The following PCDHGA4 variants were observed in gnomAD, a reference collection of about 807,000 sequenced individuals.
The protein encoded by PCDHGA4 is protocadherin gamma-A4.
PCDHGA4 carries 38 observed loss-of-function variants against 54.6 expected under a neutral mutation model. The observed-to-expected ratio is 0.70, with a 90% confidence interval of 0.54 to 0.91. The LOEUF (loss-of-function observed/expected upper bound fraction) is 0.91. PCDHGA4 is among the 40% of genes least tolerant of loss of function. The pLI is 0.00. For missense variants in PCDHGA4, 1,298 were observed against 1,220.9 expected (o/e 1.06, Z -0.94); for synonymous variants, 511 against 512.9 (o/e 1.00, Z 0.05).
At position 141,486,634 on chromosome 5, in the gene PCDHGA4, T is replaced by C; in HGVS notation, c.2515-8173T>C. 1 of 1,613,762 alleles carries C rather than the reference T, an allele frequency of 6.2e-7. No individual in the cohort carries two copies. The highest frequency in any genetic ancestry group is 8.5e-7 in the Non-Finnish European group (1 of 1,180,044). ...CCTCTGACCCAGACTCTGGCTTGAA[T>C]GCGCTTATCTCCTACTCACTCCTGG... On this transcript the variant is annotated intron_variant, in intron 1 of 3. Coordinates refer to ENST00000571252, the MANE Select transcript of PCDHGA4 (RefSeq NM_018917.4). The surrounding 1 kb of genome is among the most constrained non-coding windows in gnomAD (Gnocchi z 5.0).
At chr5:141,481,813 G>A (rs185558948) in intron 1 of PCDHGA4, among the ~76,000 whole-genome samples, 15 of 151,942 alleles carry the variant, frequency 9.9e-5, no homozygotes, top group East Asian at 7.8e-4. Context: ...TTCACCAGGC[G>A]TGGTGGCTGA....
At chr5:141,389,806 T>C in intron 1 of PCDHGA4, 3 of 1,613,810 alleles carry the variant, frequency 1.9e-6, no homozygotes, top group Non-Finnish European at 2.5e-6. Flanking sequence ...CAGCGCCTTC[T>C]GGTCGCCGTG....
At chr5:141,422,723 G>T in intron 1 of PCDHGA4, 1 of 1,605,958 alleles carries the variant, frequency 6.2e-7, no homozygotes, top group South Asian at 1.1e-5. Flanking sequence ...ACTGTCCAGG[G>T]GGTGCCTCTG....
intron 1 of PCDHGA4, chr5:141,410,555 C>T (rs768561351): frequency 1.9e-6 from 3 of 1,613,084 alleles, no homozygotes; most frequent in Middle Eastern, 1.6e-4. Context: ...CAGTGTTTCT[C>T]CTGGAGCCTT....
At chr5:141,383,556 C>T (rs1365311931) in intron 1 of PCDHGA4, 1 of 1,612,766 alleles carries the variant, frequency 6.2e-7, no homozygotes, top group Non-Finnish European at 8.5e-7. Context: ...ATGGCGGCGA[C>T]CCGCCCCGAT....
chr5:141,509,787 TCTC>T (rs2099878266), intron 3 of PCDHGA4, among the ~76,000 whole-genome samples: 1 of 152,132 alleles, frequency 6.6e-6, no homozygotes, highest in Non-Finnish European at 1.5e-5. Context: ...GAGATCATCA[TCTC>T]CTCAGCTTCA....
chr5:141,390,561 G>A (rs921631416), intron 1 of PCDHGA4: 1 of 436,212 alleles, frequency 2.3e-6, no homozygotes, highest in African/African-American at 2.0e-5. Flanking sequence ...TTAGACAGTT[G>A]TTGGCTCTCT....
At chr5:141,444,876 G>A (rs921183358) in intron 1 of PCDHGA4, among the ~76,000 whole-genome samples, 1 of 152,186 alleles carries the variant, frequency 6.6e-6, no homozygotes, top group African/African-American at 2.4e-5. Flanking sequence ...GACAAAGCTT[G>A]TAGGATTTTT....
chr5:141,372,030 G>T, intron 1 of PCDHGA4: 2 of 1,613,446 alleles, frequency 1.2e-6, no homozygotes, highest in Non-Finnish European at 1.7e-6. Flanking sequence ...CAGCGCCAAC[G>T]TGAGCCTGCG....
chr5:141,394,667 G>C, intron 1 of PCDHGA4: 5 of 1,613,252 alleles, frequency 3.1e-6, no homozygotes, highest in Non-Finnish European at 4.2e-6. Flanking sequence ...GACTCTTCTC[G>C]GTGGGTCTGC....
intron 1 of PCDHGA4, among the ~76,000 whole-genome samples, chr5:141,470,451 T>C (rs2099230860): frequency 6.6e-6 from 1 of 152,210 alleles, no homozygotes; most frequent in Non-Finnish European, 1.5e-5. Context: ...AATAGCATCT[T>C]GAATAGGATT....
At chr5:141,419,694 G>A in intron 1 of PCDHGA4, 1 of 1,612,974 alleles carries the variant, frequency 6.2e-7, no homozygotes, top group Non-Finnish European at 8.5e-7. Context: ...GTGCAGGCCA[G>A]TGAGCCCGGG....
At position 141,432,299 on chromosome 5, in the gene PCDHGA4, C is replaced by G; in HGVS notation, c.2515-62508C>G. ...GTCCATCAACTCCGACACTGGGGTA[C>G]TGTATGCGCTGAGCTCCTTCGACTA... is the stretch of plus-strand genomic sequence containing the variant. On this transcript the variant is annotated intron_variant, in intron 1 of 3. Transcript: ENST00000571252. This position sits in a 1 kb window ranked among gnomAD's most constrained non-coding sequence, Gnocchi z 6.0. The G allele has an allele frequency of 2.5e-6, 4 of 1,614,278 alleles. No homozygotes were observed. The highest frequency in any genetic ancestry group is 3.4e-6 in the Non-Finnish European group (4 of 1,180,056).
At chr5:141,367,861 G>A (rs1344780297) in intron 1 of PCDHGA4, 1 of 152,032 alleles carries the variant, frequency 6.6e-6, no homozygotes, top group Non-Finnish European at 1.5e-5. Context: ...GTTTCTTTAA[G>A]TGTAGGTGCA....
intron 1 of PCDHGA4, chr5:141,376,173 T>C (rs531193543): frequency 1.3e-5 from 21 of 1,614,092 alleles, no homozygotes; most frequent in East Asian, 2.2e-5. Flanking sequence ...GTGGTGGCGG[T>C]GGCCGCGGTC....
Position 141,491,935 on chromosome 5 carries a change from C to A in PCDHGA4, c.2515-2872C>A. 1 of 1,205,518 alleles carries A rather than the reference C, an allele frequency of 8.3e-7. No homozygotes were observed. Among genetic ancestry groups the A allele is most frequent in the South Asian group, 1.7e-5 (1 of 59,176 alleles). 74.7% of individuals were successfully genotyped at this position (1,205,518 alleles called of 1,614,324 possible). On this transcript the variant is annotated intron_variant, in intron 1 of 3. Transcript: ENST00000571252. The surrounding 1 kb of genome is among the most constrained non-coding windows in gnomAD (Gnocchi z 6.9). ...GACTGTGGGCGAGGGGAGGTGGGACCGACCCCCACCCCTACACTCAAAAAA... is the reference window on the plus strand; with the variant it reads ...GACTGTGGGCGAGGGGAGGTGGGACAGACCCCCACCCCTACACTCAAAAAA...
chr5:141,478,748 A>G (rs2099474609), intron 1 of PCDHGA4: 2 of 1,525,644 alleles, frequency 1.3e-6, no homozygotes, highest in African/African-American at 1.4e-5. Context: ...GTCCCATTTC[A>G]GGGGGAAGAT....
chr5:141,432,940 T>C lies in PCDHGA4; in HGVS notation c.2515-61867T>C, dbSNP rs142546730. On this transcript the variant is annotated intron_variant, in intron 1 of 3. Transcript: ENST00000571252. This position sits in a 1 kb window ranked among gnomAD's most constrained non-coding sequence, Gnocchi z 6.0. ...GGCACAAGTCACGCCTGCTGCAGGC[T>C]TCAGGAGGCGGCTTGACAGGAGCGC... 6 of 1,614,208 alleles carry C rather than the reference T, an allele frequency of 3.7e-6. No individual in the cohort carries two copies. The highest frequency in any genetic ancestry group is 4.2e-6 in the Non-Finnish European group (5 of 1,180,040).
In PCDHGA4 at chr5:141,489,406, A is replaced by T; in HGVS notation, c.2515-5401A>T. 6.2e-7 allele frequency: 1 copy of T among 1,614,166 alleles called. No individual in the cohort carries two copies. Among genetic ancestry groups the T allele is most frequent in the Non-Finnish European group, 8.5e-7 (1 of 1,180,028 alleles). Reference sequence around the variant, plus strand: ...TGTTGCTCAGGATCTGGGCTTAAAGATGACAGATCTGTTGAGCCGGCGGCT... The same window carrying T: ...TGTTGCTCAGGATCTGGGCTTAAAGTTGACAGATCTGTTGAGCCGGCGGCT... On this transcript the variant is annotated intron_variant, in intron 1 of 3. Coordinates refer to ENST00000571252, the MANE Select transcript of PCDHGA4 (RefSeq NM_018917.4). This position sits in a 1 kb window ranked among gnomAD's most constrained non-coding sequence, Gnocchi z 4.5.
Sources: gnomAD v4.1 joint callset for allele counts (sites outside exome capture counted in the v4.1 genomes callset) on GRCh38, gnomAD v4.1.1 for gene constraint, Gnocchi (gnomAD v3.1) non-coding constraint, MANE v1.5 for transcripts, NCBI Gene and HGNC (gene_info 2026-07-23, HGNC 2026-07-21) for gene names.